Variants in TMCC1 observed in about 807,000 individuals in gnomAD.
The protein encoded by TMCC1 is transmembrane and coiled-coil domain family 1, also known as transmembrane and coiled-coil domains protein 1.
Under a neutral mutation model 52.4 loss-of-function variants are expected in TMCC1, and 15 were observed. That is an observed-to-expected ratio of 0.29 (90% CI 0.19 to 0.44). The LOEUF (loss-of-function observed/expected upper bound fraction) is 0.44, where lower values mean the gene tolerates loss of function less well. Among genes scored for constraint, TMCC1 ranks in the 20% least tolerant of loss-of-function variants. The pLI is 1.00. For synonymous variants in TMCC1, 279 were observed against 301.9 expected (o/e 0.92, Z 0.79); for missense variants, 503 against 806.0 (o/e 0.62, Z 4.55).
At chr3:129,661,040 A>G (rs955130054) in intron 5 of TMCC1, among the ~76,000 whole-genome samples, 8 of 152,262 alleles carry the variant, frequency 5.3e-5, no homozygotes, top group Admixed American at 2.0e-4. Flanking sequence ...AGTCCTTTAG[A>G]GGTTGAACAA....
intron 2 of TMCC1, among the ~76,000 whole-genome samples, chr3:129,865,207 T>C (rs1441129552): frequency 1.3e-5 from 2 of 152,098 alleles, no homozygotes; most frequent in Non-Finnish European, 2.9e-5. Context: ...TTTTTTTCCC[T>C]GTAGTGGTGC....
chr3:129,887,515 C>A (rs1425191899), intron 1 of TMCC1, among the ~76,000 whole-genome samples: 3 of 146,634 alleles, frequency 2.0e-5, no homozygotes, highest in Non-Finnish European at 4.5e-5. Flanking sequence ...GCACTCCAAC[C>A]TGGCGACAGA....
intron 4 of TMCC1, among the ~76,000 whole-genome samples, chr3:129,672,151 T>C (rs998996427): frequency 9.2e-5 from 14 of 152,318 alleles, no homozygotes; most frequent in African/African-American, 3.1e-4. Context: ...GATACTCAGA[T>C]TTAAAAGCAT....
intron 4 of TMCC1, among the ~76,000 whole-genome samples, chr3:129,781,768 A>G (rs1277253676): frequency 1.3e-5 from 2 of 152,190 alleles, no homozygotes; most frequent in African/African-American, 2.4e-5. Context: ...CGTCATTTGG[A>G]TTAAGTTTTA....
chr3:129,657,631 A>G (rs1576338156), intron 5 of TMCC1, among the ~76,000 whole-genome samples: 1 of 152,200 alleles, frequency 6.6e-6, no homozygotes, highest in East Asian at 1.9e-4. Context: ...AGCGATCCAA[A>G]TCACTTAGCA....
At chr3:129,709,310 AG>A (rs1015060739) in intron 4 of TMCC1, among the ~76,000 whole-genome samples, 19 of 151,626 alleles carry the variant, frequency 1.3e-4, no homozygotes, top group African/African-American at 4.6e-4. Flanking sequence ...AAAAACTTAA[AG>A]AAAAAAAATA....
At chr3:129,824,681 G>A (rs1380817352) in intron 4 of TMCC1, among the ~76,000 whole-genome samples, 2 of 148,024 alleles carry the variant, frequency 1.4e-5, no homozygotes, top group African/African-American at 2.4e-5. Context: ...GGAGAACAAT[G>A]AGAAAGCCAA....
At chr3:129,720,367 T>G (rs1290991524) in intron 4 of TMCC1, among the ~76,000 whole-genome samples, 1 of 152,178 alleles carries the variant, frequency 6.6e-6, no homozygotes, top group East Asian at 1.9e-4. Flanking sequence ...CCTTTCTTGT[T>G]GCACTGAGAT....
intron 4 of TMCC1, among the ~76,000 whole-genome samples, chr3:129,793,408 C>G (rs966187284): frequency 6.6e-6 from 1 of 152,156 alleles, no homozygotes; most frequent in African/African-American, 2.4e-5. Context: ...CAGGATCTAA[C>G]AATTCTGATT....
chr3:129,725,427 T>C (rs1423745712), intron 4 of TMCC1, among the ~76,000 whole-genome samples: 1 of 152,128 alleles, frequency 6.6e-6, no homozygotes, highest in African/African-American at 2.4e-5. Context: ...CAATTTCTAA[T>C]ATAATTTTTT....
chr3:129,736,564 C>G (rs553433208), intron 4 of TMCC1, among the ~76,000 whole-genome samples: 1 of 151,072 alleles, frequency 6.6e-6, no homozygotes, highest in Non-Finnish European at 1.5e-5. Flanking sequence ...CTCTGCTGCC[C>G]AGGCTGGAAT....
intron 4 of TMCC1, among the ~76,000 whole-genome samples, chr3:129,690,036 A>G (rs955085601): frequency 3.9e-5 from 6 of 152,222 alleles, no homozygotes; most frequent in African/African-American, 1.4e-4. Flanking sequence ...TTATTGTAGA[A>G]AACCACAAAT....
intron 4 of TMCC1, among the ~76,000 whole-genome samples, chr3:129,812,590 TA>T (rs1355897104): frequency 6.6e-6 from 1 of 151,926 alleles, no homozygotes; most frequent in Admixed American, 6.6e-5. Context: ...ACAAAACAAA[TA>T]CCCGACCTCG....
chr3:129,770,578 A>G (rs1254563198), intron 4 of TMCC1, among the ~76,000 whole-genome samples: 1 of 151,596 alleles, frequency 6.6e-6, no homozygotes, highest in Non-Finnish European at 1.5e-5. Context: ...ACCCTGTCTT[A>G]AGATAAAATA....
At chr3:129,882,425 G>A (rs558394590) in intron 1 of TMCC1, among the ~76,000 whole-genome samples, 46 of 151,318 alleles carry the variant, frequency 3.0e-4, no homozygotes, top group Non-Finnish European at 2.4e-4. Flanking sequence ...AGGAATGTAC[G>A]ATGCTACAGC....
chr3:129,799,673 G>A (rs1258863343), intron 4 of TMCC1, among the ~76,000 whole-genome samples: 6 of 152,194 alleles, frequency 3.9e-5, no homozygotes, highest in South Asian at 2.1e-4. Flanking sequence ...TTGGCTGGGC[G>A]TGGTGGTGGG....
At chr3:129,836,252 A>C (rs2059153982) in intron 2 of TMCC1, among the ~76,000 whole-genome samples, 1 of 152,198 alleles carries the variant, frequency 6.6e-6, no homozygotes, top group Non-Finnish European at 1.5e-5. Context: ...AAAAATCCAT[A>C]ATCATAATAA....
At chr3:129,783,454 T>C (rs934145022) in intron 4 of TMCC1, among the ~76,000 whole-genome samples, 14 of 152,154 alleles carry the variant, frequency 9.2e-5, no homozygotes, top group South Asian at 2.1e-4. Flanking sequence ...TCATTTTTTT[T>C]CCCACATGAT....
At chr3:129,782,969 T>C (rs2055657484) in intron 4 of TMCC1, among the ~76,000 whole-genome samples, 2 of 152,192 alleles carry the variant, frequency 1.3e-5, no homozygotes, top group African/African-American at 2.4e-5. Flanking sequence ...CTGCATCCCT[T>C]AAGAAAAGCT....
Sources: allele counts gnomAD v4.1 joint callset (sites outside exome capture counted in the v4.1 genomes callset), GRCh38; gene constraint gnomAD v4.1.1; transcripts MANE v1.5; gene names NCBI Gene and HGNC (gene_info 2026-07-23, HGNC 2026-07-21).